PPP1R12A: variants seen among roughly 807,000 people sequenced by gnomAD.
PPP1R12A encodes protein phosphatase 1 regulatory subunit 12A, also known as myosin binding subunit.
Under a neutral mutation model 139.6 loss-of-function variants are expected in PPP1R12A, and 19 were observed. That is an observed-to-expected ratio of 0.14 (90% CI 0.09 to 0.20). PPP1R12A has a LOEUF of 0.20. PPP1R12A is among the 10% of genes least tolerant of loss of function. The pLI is 1.00. For missense variants in PPP1R12A, 925 were observed against 1,211.5 expected (o/e 0.76, Z 3.51); for synonymous variants, 427 against 420.6 (o/e 1.02, Z -0.19).
intron 2 of PPP1R12A, among the ~76,000 whole-genome samples, chr12:79,865,071 A>G (rs1017601797): frequency 4.6e-5 from 7 of 152,216 alleles, no homozygotes; most frequent in Admixed American, 2.0e-4. Context: ...AATCCTCAAT[A>G]AAATCCTGGC....
chr12:79,874,274 CAAAAAAAA>C (rs764069282), intron 1 of PPP1R12A, among the ~76,000 whole-genome samples: 1 of 85,380 alleles, frequency 1.2e-5, no homozygotes, highest in Non-Finnish European at 2.5e-5. Context: ...ACTCCGTCTC[CAAAAAAAA>C]AAAAAAGAAA....
chr12:79,878,737 T>C (rs1257505539), intron 1 of PPP1R12A, among the ~76,000 whole-genome samples: 1 of 152,122 alleles, frequency 6.6e-6, no homozygotes, highest in Non-Finnish European at 1.5e-5. Flanking sequence ...CCATCAGATC[T>C]TGTGAGAACT....
At chr12:79,855,352 C>T (rs1880519039) in intron 2 of PPP1R12A, among the ~76,000 whole-genome samples, 1 of 152,062 alleles carries the variant, frequency 6.6e-6, no homozygotes, top group Admixed American at 6.6e-5. Context: ...CAAAATTGCT[C>T]ATATTTTTTT....
chr12:79,925,688 T>G (rs1487928886), intron 1 of PPP1R12A, among the ~76,000 whole-genome samples: 4 of 152,202 alleles, frequency 2.6e-5, no homozygotes, highest in East Asian at 1.9e-4. Flanking sequence ...AAAGAGCATT[T>G]GAGTTGAGCA....
At chr12:79,776,555 T>C (rs1241283067) in intron 24 of PPP1R12A, among the ~76,000 whole-genome samples, 1 of 152,034 alleles carries the variant, frequency 6.6e-6, no homozygotes, top group Non-Finnish European at 1.5e-5. Flanking sequence ...CGATCCCAGA[T>C]AGATGCTTAT....
At position 79,788,838 on chromosome 12, in the gene PPP1R12A, CAACA is replaced by C. The variant is rs1398926585; in HGVS notation, c.2667-59_2667-56del. On this transcript the variant is annotated intron_variant, in intron 20 of 24. Transcript: ENST00000450142. ...TTGTTATAGGCTTTTACAATTATAA[CAACA>C]TACATCCTAGTACACATATAACTTG... 6 of 1,445,334 alleles carry C rather than the reference CAACA, an allele frequency of 4.2e-6. No individual in the cohort carries two copies. In the African/African-American group the frequency reaches 7.2e-5, roughly 17 times the overall value. The allele number at this position is 1,445,334 out of a possible 1,614,324, so 89.5% of individuals were successfully genotyped here. A position where few individuals can be genotyped will look rare whatever the true frequency, so the allele number is the denominator to read the frequency against.
intron 1 of PPP1R12A, among the ~76,000 whole-genome samples, chr12:79,880,386 A>T (rs1883521557): frequency 6.6e-6 from 1 of 152,054 alleles, no homozygotes; most frequent in African/African-American, 2.4e-5. Flanking sequence ...AGTTCATGGA[A>T]TAAACAAACA....
chr12:79,797,143 A>C, intron 16 of PPP1R12A, 52 bp downstream of exon 16: 1 of 1,440,900 alleles, frequency 6.9e-7, no homozygotes, highest in Non-Finnish European at 9.4e-7. Flanking sequence ...GTTAAGGATC[A>C]TAAGGACTAT....
chr12:79,788,715 C>T lies in PPP1R12A; in HGVS notation c.2735G>A (p.Ser912Asn). ...DSLLGRSGSY[S>N]YLEERKPYSS... is the part of the protein sequence containing the mutation. ...GTAAGGTTTTCTTTCTTCTAAGTAA[C>T]TGTATGATCCAGAGCGACCCAGCAA... is the stretch of plus-strand genomic sequence containing the variant. The change falls in exon 21 of 25, where the codon AGT (serine) becomes AAT (asparagine). Residue 912 changes from serine to asparagine, a missense_variant. Physicochemically the swap from Ser to Asn is conservative, Grantham distance 46. This residue lies in a region of PPP1R12A where 315 missense variants were observed against 363.4 expected (regional missense o/e 0.87). Coordinates refer to ENST00000450142, the MANE Select transcript of PPP1R12A (RefSeq NM_002480.3). The T allele has an allele frequency of 6.2e-7, 1 of 1,613,336 alleles. No homozygotes were observed. Among genetic ancestry groups the T allele is most frequent in the Middle Eastern group, 1.7e-4 (1 of 6,056 alleles).
chr12:79,800,237 C>A (rs986455116), intron 14 of PPP1R12A, among the ~76,000 whole-genome samples: 7 of 152,134 alleles, frequency 4.6e-5, no homozygotes, highest in Admixed American at 4.6e-4. Context: ...ATGAAAGTTA[C>A]ACCAAGTGTG....
intron 3 of PPP1R12A, among the ~76,000 whole-genome samples, chr12:79,839,105 G>A (rs1878414290): frequency 2.6e-5 from 4 of 152,152 alleles, no homozygotes; most frequent in African/African-American, 9.7e-5. Context: ...TCTTACATCA[G>A]CATGACCTGG....
chr12:79,885,210 G>A (rs771766992), intron 1 of PPP1R12A, among the ~76,000 whole-genome samples: 24 of 151,814 alleles, frequency 1.6e-4, no homozygotes, highest in Non-Finnish European at 8.8e-5. Context: ...GGTGTTCTTG[G>A]GTAAACTCCC....
intron 1 of PPP1R12A, among the ~76,000 whole-genome samples, chr12:79,923,279 A>T (rs1592840463): frequency 2.0e-5 from 3 of 152,298 alleles, no homozygotes; most frequent in Non-Finnish European, 4.4e-5. Context: ...GTCTCAAAAA[A>T]ATAAATAAAT....
intron 20 of PPP1R12A, chr12:79,789,638 T>C (rs982743171): frequency 9.5e-5 from 43 of 454,062 alleles, no homozygotes; most frequent in Middle Eastern, 3.3e-4. Context: ...TTCAATTCAA[T>C]AGAATCATCA....
chr12:79,890,908 C>CACACAA, intron 1 of PPP1R12A, among the ~76,000 whole-genome samples: 1 of 133,914 alleles, frequency 7.5e-6, no homozygotes, highest in East Asian at 2.0e-4. Flanking sequence ...CACCCACCCA[C>CACACAA]ACACACACAC....
chr12:79,778,208 A>G (rs1342033883), intron 24 of PPP1R12A: 2 of 156,930 alleles, frequency 1.3e-5, no homozygotes, highest in African/African-American at 5.3e-5. Context: ...ATATAGAAAC[A>G]TAAAGAATAA....
chr12:79,867,331 C>A (rs899758295), intron 2 of PPP1R12A, among the ~76,000 whole-genome samples: 1 of 151,702 alleles, frequency 6.6e-6, no homozygotes, highest in African/African-American at 2.4e-5. Context: ...GGTGGGGGGT[C>A]AGGGGAAGGA....
At chr12:79,858,036 G>A (rs1056094667) in intron 2 of PPP1R12A, among the ~76,000 whole-genome samples, 1 of 152,082 alleles carries the variant, frequency 6.6e-6, no homozygotes, top group African/African-American at 2.4e-5. Context: ...ATTTTCCTAA[G>A]ATCTTAATTT....
chr12:79,799,246 T>C (rs1872815548), intron 14 of PPP1R12A, among the ~76,000 whole-genome samples: 1 of 152,156 alleles, frequency 6.6e-6, no homozygotes, highest in African/African-American at 2.4e-5. Context: ...CCTCCCGGGT[T>C]CAAGTGATTC....
Sources: gnomAD v4.1 joint callset for allele counts (sites outside exome capture counted in the v4.1 genomes callset) on GRCh38, gnomAD v4.1.1 for gene constraint, gnomAD v4.1.1 regional missense constraint, MANE v1.5 for transcripts, NCBI Gene and HGNC (gene_info 2026-07-23, HGNC 2026-07-21) for gene names.